The following DLC1 variants were observed in gnomAD, a reference collection of about 807,000 sequenced individuals.
DLC1 encodes the protein DLC1 Rho GTPase activating protein, also known as rho GTPase-activating protein 7.
DLC1 carries 54 observed loss-of-function variants against 140.3 expected under a neutral mutation model. That is an observed-to-expected ratio of 0.38 (90% CI 0.31 to 0.48). DLC1 has a LOEUF of 0.48. DLC1 is among the 20% of genes least tolerant of loss of function. The probability of loss-of-function intolerance (pLI) is 0.96; values close to 1 mark genes in which losing one functional copy is unlikely to be tolerated. For missense variants in DLC1, 2,536 were observed against 1,907.0 expected (o/e 1.33, Z -6.14); for synonymous variants, 986 against 728.1 (o/e 1.35, Z -5.70).
At chr8:13,443,078 A>G (rs1487760291) in intron 2 of DLC1, among the ~76,000 whole-genome samples, 3 of 151,972 alleles carry the variant, frequency 2.0e-5, no homozygotes, top group African/African-American at 4.8e-5. Context: ...GCTGGAAACC[A>G]TCATTCTCAG....
At chr8:13,113,397 T>C (rs1820279646) in intron 6 of DLC1, among the ~76,000 whole-genome samples, 1 of 152,180 alleles carries the variant, frequency 6.6e-6, no homozygotes, top group Non-Finnish European at 1.5e-5. Context: ...ACCCCAAAAG[T>C]AGTCTTATGC....
intron 1 of DLC1, among the ~76,000 whole-genome samples, chr8:13,592,650 C>A (rs911852606): frequency 1.3e-5 from 2 of 152,010 alleles, no homozygotes; most frequent in South Asian, 2.1e-4. Context: ...TGGGGCCTGC[C>A]AAGGTTTCCC....
At chr8:13,116,203 G>C in intron 5 of DLC1, 1 of 985,488 alleles carries the variant, frequency 1.0e-6, no homozygotes, top group Non-Finnish European at 1.2e-6. Flanking sequence ...TCCAGTAGGA[G>C]AGGCCCAGGC....
intron 4 of DLC1, among the ~76,000 whole-genome samples, chr8:13,318,508 C>A (rs1032162636): frequency 6.6e-6 from 1 of 152,156 alleles, no homozygotes; most frequent in East Asian, 1.9e-4. Context: ...TCATGTTCTC[C>A]CCTTCTCTTC....
chr8:13,475,937 C>G (rs1800416219), intron 2 of DLC1, among the ~76,000 whole-genome samples: 2 of 152,202 alleles, frequency 1.3e-5, no homozygotes, highest in Admixed American at 1.3e-4. Context: ...TTCCCACATA[C>G]TTGGGTCATT....
chr8:13,248,577 C>G (rs1326532425), intron 5 of DLC1, among the ~76,000 whole-genome samples: 1 of 152,170 alleles, frequency 6.6e-6, no homozygotes, highest in East Asian at 1.9e-4. Context: ...CCGTGGGAGG[C>G]AAAGTCTCTG....
rs142520789 is a variant in DLC1, at chr8:13,099,484, G to T, written c.2853C>A (p.His951Gln). 6.2e-7 allele frequency: 1 copy of T among 1,614,154 alleles called. No individual in the cohort carries two copies. The highest frequency in any genetic ancestry group is 1.7e-5 in the Admixed American group (1 of 60,008). Residue 951 changes from histidine to glutamine, a missense_variant, in exon 9 of 18, where the codon CAC becomes CAA. Physicochemically the swap from His to Gln is conservative, Grantham distance 24 (BLOSUM62 0). Coordinates refer to ENST00000276297, the MANE Select transcript of DLC1 (RefSeq NM_182643.3). ...TGGTTCGGTCGTTGTCCACATCCAG[G>T]TGTATCTGTTTTGGAGAGGACGGGC... ...SPCPSSPKQI[H>Q]LDVDNDRTTP... is the part of the protein sequence containing the mutation.
At chr8:13,337,723 C>G (rs1481256141) in intron 4 of DLC1, among the ~76,000 whole-genome samples, 1 of 152,074 alleles carries the variant, frequency 6.6e-6, no homozygotes, top group African/African-American at 2.4e-5. Context: ...CTTTCCCATC[C>G]GTTTTGGTAC....
intron 4 of DLC1, among the ~76,000 whole-genome samples, chr8:13,392,751 T>G (rs918812352): frequency 6.6e-6 from 1 of 151,732 alleles, no homozygotes; most frequent in Non-Finnish European, 1.5e-5. Context: ...AAGGAAAATG[T>G]CTTTTATTCA....
At chr8:13,565,601 G>A (rs1804399505) in intron 1 of DLC1, among the ~76,000 whole-genome samples, 1 of 152,044 alleles carries the variant, frequency 6.6e-6, no homozygotes, top group East Asian at 1.9e-4. Context: ...GATGCTTTTT[G>A]AATATTTGAC....
rs148579135 is a variant in DLC1 at position 13,100,252 on chromosome 8, G to A, written c.2085C>T (p.Ser695=). 13 of 1,613,968 alleles carry A rather than the reference G, an allele frequency of 8.1e-6. No homozygotes were observed. Among genetic ancestry groups the A allele is most frequent in the African/African-American group, 4.0e-5 (3 of 74,922 alleles). The part of the protein sequence containing the change: ...KAPSKLGLII[S]GPILQEGMDE... ...CCATCCCCTCTTGCAAGATGGGCCC[G>A]CTGATGATCAACCCCAGCTTTGAGG... is the stretch of plus-strand genomic sequence containing the variant. The change falls in exon 9 of 18, where the codon AGC becomes AGT. Residue 695 remains serine, a synonymous_variant. Transcript: ENST00000276297.
At chr8:13,515,430 G>A (rs894976577), upstream of DLC1, 11 of 152,286 alleles carry the variant, frequency 7.2e-5, no homozygotes, top group Admixed American at 3.9e-4. Context: ...AAAATAGTTC[G>A]TGTTATGGCA....
At chr8:13,510,508 A>G (rs1802311757) in intron 1 of DLC1, among the ~76,000 whole-genome samples, 1 of 152,210 alleles carries the variant, frequency 6.6e-6, no homozygotes, top group Admixed American at 6.5e-5. Context: ...ATGCAAAACA[A>G]TTTGCACACA....
chr8:13,312,360 CAAAAAAA>C (rs777597726), intron 4 of DLC1, among the ~76,000 whole-genome samples: 690 of 6,646 alleles, frequency 0.1, 26 homozygotes, highest in Middle Eastern at 0.3. Flanking sequence ...GACTCCGTCT[CAAAAAAA>C]AAAAAAAAAA....
intron 5 of DLC1, among the ~76,000 whole-genome samples, chr8:13,172,121 T>C (rs1456497187): frequency 6.6e-6 from 1 of 152,246 alleles, no homozygotes; most frequent in Non-Finnish European, 1.5e-5. Context: ...ATTTTATAGA[T>C]GTCATTTGGG....
intron 1 of DLC1, among the ~76,000 whole-genome samples, chr8:13,561,198 C>G (rs976136112): frequency 2.0e-5 from 3 of 151,496 alleles, no homozygotes; most frequent in African/African-American, 7.3e-5. Flanking sequence ...TCATAGCTCA[C>G]TGCAGCCTCG....
At chr8:13,506,766 CAT>C (rs1411370576) in intron 1 of DLC1, among the ~76,000 whole-genome samples, 1 of 151,856 alleles carries the variant, frequency 6.6e-6, no homozygotes, top group East Asian at 1.9e-4. Flanking sequence ...GAAATAATCT[CAT>C]GTTAATTAAA....
chr8:13,316,012 C>T (rs1164037959), intron 4 of DLC1, among the ~76,000 whole-genome samples: 1 of 152,202 alleles, frequency 6.6e-6, no homozygotes, highest in East Asian at 1.9e-4. Flanking sequence ...AAGTGATAAA[C>T]AGCCTCTCCT....
At chr8:13,221,857 A>G (rs540363710) in intron 5 of DLC1, among the ~76,000 whole-genome samples, 29 of 144,620 alleles carry the variant, frequency 2.0e-4, no homozygotes, top group South Asian at 1.1e-3. Context: ...ATATATTAAT[A>G]TATTAATAAA....
Sources: allele counts gnomAD v4.1 joint callset (sites outside exome capture counted in the v4.1 genomes callset), GRCh38; gene constraint gnomAD v4.1.1; transcripts MANE v1.5; gene names NCBI Gene and HGNC (gene_info 2026-07-23, HGNC 2026-07-21).